FREM2: variants seen among roughly 807,000 people sequenced by gnomAD.
The protein encoded by FREM2 is FRAS1-related extracellular matrix protein 2.
A neutral mutation model predicts 219.9 loss-of-function variants in FREM2; 119 were observed. The observed-to-expected ratio is 0.54, with a 90% CI of 0.47 to 0.63. FREM2 has a LOEUF of 0.63. Among genes scored for constraint, FREM2 ranks in the 30% least tolerant of loss-of-function variants. The pLI, the probability that FREM2 is intolerant of heterozygous loss-of-function variation, is 0.00. For synonymous variants in FREM2, 1,562 were observed against 1,522.8 expected, an observed-to-expected ratio of 1.03 and a Z score of -0.60; for missense variants, 4,030 against 3,993.6, an observed-to-expected ratio of 1.01 and a Z score of -0.25.
intron 6 of FREM2, among the ~76,000 whole-genome samples, chr13:38,803,220 A>G (rs1040941245): frequency 1.3e-5 from 2 of 152,076 alleles, no homozygotes; most frequent in African/African-American, 2.4e-5. Context: ...AAATTATGAA[A>G]TTATGTTTTT....
chr13:38,829,234 A>G (rs1479953588), intron 6 of FREM2, among the ~76,000 whole-genome samples: 3 of 152,114 alleles, frequency 2.0e-5, no homozygotes, highest in African/African-American at 7.2e-5. Context: ...TATTTAATTG[A>G]GAAAAGGCAT....
chr13:38,872,746 T>C lies in FREM2; in HGVS notation c.7988T>C (p.Leu2663Pro). The C allele has an allele frequency of 6.2e-7, 1 of 1,613,938 alleles. No individual in the cohort carries two copies. The highest frequency in any genetic ancestry group is 2.2e-5 in the East Asian group (1 of 44,882). The stretch of plus-strand genomic sequence containing the variant: ...GATGTAATTTTGTTGTTTTAGGTCC[T>C]AAACCTAGTGCAGTCCTATGTGACC... ...GGTIGTDGQVLNLVQSYVTLR... is the reference protein window; with the variant it reads ...GGTIGTDGQVPNLVQSYVTLR... The change falls in exon 17 of 24, where the codon CTA becomes CCA. Residue 2663 changes from leucine to proline, a missense_variant. By Grantham distance (98) the Leu-to-Pro change is moderately conservative. Transcript: ENST00000280481.
chr13:38,732,572 G>A (rs1466247699), intron 2 of FREM2, among the ~76,000 whole-genome samples: 1 of 152,196 alleles, frequency 6.6e-6, no homozygotes, highest in Non-Finnish European at 1.5e-5. Flanking sequence ...AAAAAGTGGT[G>A]TGGAAAGCCG....
chr13:38,878,268 G>A lies in FREM2; in HGVS notation c.8806G>A (p.Glu2936Lys), dbSNP rs1346938864. Residue 2936 changes from glutamate to lysine, a missense_variant, in exon 22 of 24, where the codon GAA (glutamate) becomes AAA (lysine). This residue lies in a region of FREM2 where 928 missense variants were observed against 1,042.9 expected (regional missense o/e 0.89). Coordinates refer to ENST00000280481, the MANE Select transcript of FREM2 (RefSeq NM_207361.6). ...TCCCAAGTATAGTCCAATGAATGCA[G>A]AATATGGCTGCTTAGCCGACTCTCC... Reference protein sequence around the residue: ...YVPKYSPMNAEYGCLADSPSL... With the variant: ...YVPKYSPMNAKYGCLADSPSL... 6.2e-7 allele frequency: 1 copy of A among 1,613,718 alleles called. No individual in the cohort carries two copies. The highest frequency in any genetic ancestry group is 1.3e-5 in the African/African-American group (1 of 74,980).
chr13:38,772,085 C>T lies in FREM2; in HGVS notation c.5641+2277C>T, dbSNP rs189394537. ...CTCCAGCTCTTTGCATATAAATTCACCTGCCCTAGGAGCCGTTATGCCTAC... is the reference window on the plus strand; with the variant it reads ...CTCCAGCTCTTTGCATATAAATTCATCTGCCCTAGGAGCCGTTATGCCTAC... On this transcript the variant is annotated intron_variant, in intron 4 of 23. Transcript: ENST00000280481. Among the ~76,000 whole-genome samples the T allele has an allele frequency of 2.0e-5, 3 of 152,242 alleles. No individual in the cohort carries two copies. In the East Asian group the frequency reaches 5.8e-4, roughly 29 times the overall value.
chr13:38,766,642 G>A (rs1468054303), intron 3 of FREM2, among the ~76,000 whole-genome samples: 2 of 152,112 alleles, frequency 1.3e-5, no homozygotes, highest in African/African-American at 2.4e-5. Context: ...AAGAAACCAT[G>A]AATTACTGAA....
intron 2 of FREM2, among the ~76,000 whole-genome samples, chr13:38,709,785 G>T (rs1250111872): frequency 7.7e-6 from 1 of 129,712 alleles, no homozygotes; most frequent in African/African-American, 2.7e-5. Flanking sequence ...CCCTTCTAAT[G>T]ACTTTACCCT....
intron 2 of FREM2, among the ~76,000 whole-genome samples, chr13:38,754,933 C>T (rs1262168454): frequency 5.5e-5 from 6 of 109,488 alleles, no homozygotes; most frequent in African/African-American, 1.3e-4. Flanking sequence ...GATGGAGTCT[C>T]GCTCTGTCAC....
At chr13:38,713,604 T>G (rs529009396) in intron 2 of FREM2, among the ~76,000 whole-genome samples, 1 of 152,348 alleles carries the variant, frequency 6.6e-6, no homozygotes, top group East Asian at 1.9e-4. Flanking sequence ...TTATCTCCTG[T>G]GATTTATCGG....
At chr13:38,730,432 A>C (rs1641705722) in intron 2 of FREM2, among the ~76,000 whole-genome samples, 1 of 152,246 alleles carries the variant, frequency 6.6e-6, no homozygotes, top group Non-Finnish European at 1.5e-5. Context: ...GCACCATGGC[A>C]GTTGCTAAAG....
chr13:38,850,253 A>T lies in FREM2; in HGVS notation c.6577+18A>T, dbSNP rs765453029. On this transcript the variant is annotated intron_variant, in intron 9 of 23. Transcript: ENST00000280481. ...CCTCCCTGGTAAGCTTGAACTTGAA[A>T]TTTTTTCGTGAAATTTGAAGAAGCC... 1.2e-6 allele frequency: 2 copies of T among 1,611,990 alleles called. No homozygotes were observed. The highest frequency in any genetic ancestry group is 2.2e-5 in the South Asian group (2 of 91,020).
At chr13:38,732,916 T>C (rs1226823854) in intron 2 of FREM2, among the ~76,000 whole-genome samples, 3 of 152,150 alleles carry the variant, frequency 2.0e-5, no homozygotes, top group Non-Finnish European at 2.9e-5. Flanking sequence ...TTTACTGTAT[T>C]ATTGGGATAT....
chr13:38,867,460 CAT>C (rs926359256), intron 16 of FREM2, among the ~76,000 whole-genome samples: 4 of 152,086 alleles, frequency 2.6e-5, no homozygotes, highest in Admixed American at 2.6e-4. Flanking sequence ...TTTAATAAAA[CAT>C]GTTGCTTACT....
At chr13:38,863,841 G>GT (rs57711548) in intron 15 of FREM2, among the ~76,000 whole-genome samples, 10 of 151,798 alleles carry the variant, frequency 6.6e-5, no homozygotes, top group South Asian at 6.3e-4. Flanking sequence ...TTTTGTAGGG[G>GT]TTTTTTTTGA....
chr13:38,869,477 A>G (rs1363962350), intron 16 of FREM2, among the ~76,000 whole-genome samples: 1 of 152,212 alleles, frequency 6.6e-6, no homozygotes, highest in Non-Finnish European at 1.5e-5. Flanking sequence ...GAACATACCA[A>G]GTACTCATGA....
In FREM2 at chr13:38,687,268, G is replaced by A; in HGVS notation, c.-77G>A. On this transcript the variant is annotated 5_prime_UTR_variant, in exon 1 of 24. Coordinates refer to ENST00000280481, the MANE Select transcript of FREM2 (RefSeq NM_207361.6). ...CGCGGAGTTCCTGGCACTTCCCGGC[G>A]GTGTCTCTTGTTGTCTGCCCGGGGA... is the stretch of plus-strand genomic sequence containing the variant. 2 of 1,540,698 alleles carry A rather than the reference G, an allele frequency of 1.3e-6. No homozygotes were observed. Among genetic ancestry groups the A allele is most frequent in the Non-Finnish European group, 1.8e-6 (2 of 1,138,620 alleles).
intron 6 of FREM2, among the ~76,000 whole-genome samples, chr13:38,795,101 A>G (rs914658664): frequency 6.6e-6 from 1 of 152,084 alleles, no homozygotes; most frequent in South Asian, 2.1e-4. Context: ...TCTCCTCAAA[A>G]GGATTAAAAT....
rs182709750 is a variant in FREM2 at position 38,838,320 on chromosome 13, G to A, written c.6020-8253G>A. Among the ~76,000 whole-genome samples the A allele has an allele frequency of 5.5e-3, 831 of 152,236 alleles. 4 individuals carry two copies. The highest frequency in any genetic ancestry group is 0.027 in the South Asian group (132 of 4,818). On this transcript the variant is annotated intron_variant, in intron 6 of 23. Coordinates refer to ENST00000280481, the MANE Select transcript of FREM2 (RefSeq NM_207361.6). ...TCTTCTGGCTTGTAGCATTTCTGCC[G>A]AGAGATCCACTGTTAGTCTGATGGG... is the stretch of plus-strand genomic sequence containing the variant.
intron 2 of FREM2, among the ~76,000 whole-genome samples, chr13:38,748,470 T>G (rs1172481051): frequency 6.6e-6 from 1 of 152,234 alleles, no homozygotes; most frequent in African/African-American, 2.4e-5. Flanking sequence ...ACAGGCTCTC[T>G]GCTCATATCT....
Sources: allele counts gnomAD v4.1 joint callset (sites outside exome capture counted in the v4.1 genomes callset), GRCh38; gene constraint gnomAD v4.1.1; regional missense constraint gnomAD v4.1.1; transcripts MANE v1.5; gene names NCBI Gene and HGNC (gene_info 2026-07-23, HGNC 2026-07-21).